The following SCP2 variants were observed in gnomAD, a reference collection of about 807,000 sequenced individuals.
SCP2 encodes the protein SCP-2/3-oxoacyl-CoA thiolase.
A neutral mutation model predicts 71.4 loss-of-function variants in SCP2; 48 were observed. The observed-to-expected ratio is 0.67, with a 90% CI of 0.53 to 0.86. The LOEUF is 0.86. SCP2 is among the 40% of genes least tolerant of loss of function. The pLI, the probability that SCP2 is intolerant of heterozygous loss-of-function variation, is 0.00. For missense variants in SCP2, 560 were observed against 655.6 expected, an observed-to-expected ratio of 0.85 and a Z score of 1.59; for synonymous variants, 220 against 218.1, an observed-to-expected ratio of 1.01 and a Z score of -0.08.
chr1:53,028,844 T>C (rs61441285), intron 13 of SCP2, among the ~76,000 whole-genome samples: 20,852 of 152,038 alleles, frequency 0.14, 2,039 homozygotes, highest in East Asian at 0.33. Context: ...GGTATGATCT[T>C]GGGTCACTGC....
At chr1:52,978,133 C>A in intron 8 of SCP2, 84 bp from the exon 9 acceptor site, 2 of 1,361,556 alleles carry the variant, frequency 1.5e-6, no homozygotes, top group Non-Finnish European at 2.1e-6. Flanking sequence ...TTTGGCCTTT[C>A]CTTTCACATA....
intron 11 of SCP2, among the ~76,000 whole-genome samples, chr1:53,009,442 G>C (rs892006134): frequency 2.0e-5 from 3 of 152,212 alleles, no homozygotes; most frequent in Admixed American, 6.5e-5. Context: ...TAGACCAATG[G>C]AACAGAACAG....
At chr1:52,933,992 A>C (rs1427695134) in intron 1 of SCP2, among the ~76,000 whole-genome samples, 1 of 152,194 alleles carries the variant, frequency 6.6e-6, no homozygotes, top group Non-Finnish European at 1.5e-5. Context: ...AAAAGCACTA[A>C]TTTTCACTTA....
chr1:52,946,083 C>A (rs1156292651), intron 2 of SCP2, among the ~76,000 whole-genome samples: 1 of 150,832 alleles, frequency 6.6e-6, no homozygotes, highest in Non-Finnish European at 1.5e-5. Flanking sequence ...CGCACACCAC[C>A]ACGCCCCCCT....
At chr1:52,994,384 T>G (rs959765872) in intron 11 of SCP2, 8 of 674,324 alleles carry the variant, frequency 1.2e-5, no homozygotes, top group Non-Finnish European at 1.5e-5. Flanking sequence ...ACAACTTTTT[T>G]CTCTTCTGAA....
chr1:52,953,662 C>G (rs551620775), intron 4 of SCP2, among the ~76,000 whole-genome samples: 68 of 152,012 alleles, frequency 4.5e-4, no homozygotes, highest in Admixed American at 1.8e-3. Flanking sequence ...TTCCTCTTAT[C>G]TAGAAGAATA....
At chr1:52,946,764 A>G (rs1004798540) in intron 2 of SCP2, among the ~76,000 whole-genome samples, 3 of 150,984 alleles carry the variant, frequency 2.0e-5, no homozygotes, top group African/African-American at 4.9e-5. Flanking sequence ...TATGTTTAAA[A>G]AAAAAAAAAA....
At chr1:52,972,673 A>G (rs1657600550) in intron 6 of SCP2, among the ~76,000 whole-genome samples, 1 of 152,130 alleles carries the variant, frequency 6.6e-6, no homozygotes, top group African/African-American at 2.4e-5. Flanking sequence ...TTGAACCCAA[A>G]TCTCTCACCC....
chr1:52,986,998 ATATATATATTT>A (rs1659040721), intron 10 of SCP2, among the ~76,000 whole-genome samples: 1 of 89,250 alleles, frequency 1.1e-5, no homozygotes, highest in Non-Finnish European at 2.1e-5. Context: ...ATATATATAT[ATATATATATTT>A]TTTTTTTTTT....
chr1:52,988,102 A>C lies in SCP2; in HGVS notation c.1047A>C (p.Gly349=), dbSNP rs756499564. ...GGKWVINPSG[G]LISKGHPLGA... is the part of the protein sequence containing the mutation. Reference sequence around the variant, plus strand: ...AGTGGGTCATAAATCCTAGTGGTGGACTGATTTCAAAGGGACACCCACTAG... The same window carrying C: ...AGTGGGTCATAAATCCTAGTGGTGGCCTGATTTCAAAGGGACACCCACTAG... The change falls in exon 11 of 16, where the codon GGA becomes GGC. Residue 349 remains glycine (G), a synonymous_variant. Transcript: ENST00000371514. The C allele has an allele frequency of 4.4e-5, 70 of 1,598,536 alleles. No individual in the cohort carries two copies. The South Asian group carries it at 7.7e-4, about 18-fold the overall frequency.
chr1:53,039,136 A>C, intron 14 of SCP2, 90 bp downstream of exon 14: 2 of 1,473,436 alleles, frequency 1.4e-6, no homozygotes, highest in Non-Finnish European at 9.4e-7. Flanking sequence ...TACTGTTCCC[A>C]AAAAGGACTG....
In SCP2 at chr1:52,955,397, T is replaced by C. The variant is rs1377086194; in HGVS notation, c.396+593T>C. Among the ~76,000 whole-genome samples the C allele has an allele frequency of 2.6e-5, 4 of 152,278 alleles. No homozygotes were observed. In the South Asian group the frequency reaches 8.3e-4, roughly 32 times the overall value. ...GGCCTTCCCAAGATCAGAAGTTTAATACCCACATTAAATTGATACTACGTA... is the reference window on the plus strand; with the variant it reads ...GGCCTTCCCAAGATCAGAAGTTTAACACCCACATTAAATTGATACTACGTA... On this transcript the variant is annotated intron_variant, in intron 5 of 15. Transcript: ENST00000371514.
rs145315330 is a variant in SCP2, at chr1:52,956,148, C to G, written c.396+1344C>G. On this transcript the variant is annotated intron_variant, in intron 5 of 15. Transcript: ENST00000371514. ...GCAAAACCCGTCTCTACTAAAAATA[C>G]AAAAAATTAGCCGGGTGTGGTGATA... 4.6e-5 allele frequency among the ~76,000 whole-genome samples: 7 copies of G among 152,068 alleles called. No homozygotes were observed. The East Asian group carries it at 9.7e-4, about 21-fold the overall frequency.
chr1:52,960,530 A>ATATACATGTG lies in SCP2; in HGVS notation c.397-969_397-968insCATGTGTATA, dbSNP rs1206515277. On this transcript the variant is annotated intron_variant, in intron 5 of 15. Coordinates refer to ENST00000371514, the MANE Select transcript of SCP2 (RefSeq NM_002979.5). Reference sequence around the variant, plus strand: ...TGTGTGTGTGTGTGTATATGTGTGTATATATATGTATGTATATACATGTGT... The same window carrying ATATACATGTG: ...TGTGTGTGTGTGTGTATATGTGTGTATATACATGTGTATATATGTATGTATATACATGTGT... 1.6e-3 allele frequency among the ~76,000 whole-genome samples: 210 copies of ATATACATGTG among 134,504 alleles called. 2 individuals are homozygous for ATATACATGTG. In the East Asian group the frequency reaches 0.028, roughly 18 times the overall value. 88.2% of individuals were successfully genotyped at this position (134,504 alleles called of 152,430 possible). A position where few individuals can be genotyped will look rare whatever the true frequency, so the allele number is the denominator to read the frequency against.
chr1:52,931,168 T>C (rs1024687974), intron 1 of SCP2, among the ~76,000 whole-genome samples: 5 of 152,178 alleles, frequency 3.3e-5, no homozygotes, highest in African/African-American at 1.2e-4. Context: ...ATAGCTGAGA[T>C]ATATCGGAAG....
chr1:52,998,772 C>T (rs1003502113), intron 11 of SCP2, among the ~76,000 whole-genome samples: 63 of 152,292 alleles, frequency 4.1e-4, no homozygotes, highest in African/African-American at 1.4e-3. Context: ...TTTCCAACAG[C>T]AGAGTATGAG....
At chr1:53,023,510 A>G (rs972356193) in intron 12 of SCP2, among the ~76,000 whole-genome samples, 5 of 152,212 alleles carry the variant, frequency 3.3e-5, no homozygotes, top group African/African-American at 1.2e-4. Context: ...TTCAGTCACT[A>G]TTCACTAAAT....
At position 52,978,359 on chromosome 1, in the gene SCP2, A is replaced by T. The variant is rs1422668019; in HGVS notation, c.817A>T (p.Ile273Phe). The change falls in exon 9 of 16, where the codon ATT becomes TTT. Residue 273 changes from isoleucine (I) to phenylalanine (F), a missense_variant. Ile to Phe is a conservative substitution (Grantham distance 21). Transcript: ENST00000371514. ...LPSSFEEKSI[I>F]KMVGFDMSKE... ...AAGCTCGTTTGAAGAAAAAAGCATT[A>T]TTAAAATGGTATGTCTGAGATTCTA... 2 of 1,613,232 alleles carry T rather than the reference A, an allele frequency of 1.2e-6. No individual in the cohort carries two copies. The highest frequency in any genetic ancestry group is 3.3e-5 in the Admixed American group (2 of 60,022).
intron 11 of SCP2, among the ~76,000 whole-genome samples, chr1:53,006,677 G>A (rs1660656678): frequency 6.6e-6 from 1 of 152,164 alleles, no homozygotes; most frequent in Admixed American, 6.6e-5. Flanking sequence ...GAAAAAACAT[G>A]CCAAATTGTA....
Sources: gnomAD v4.1 joint callset for allele counts (sites outside exome capture counted in the v4.1 genomes callset) on GRCh38, gnomAD v4.1.1 for gene constraint, MANE v1.5 for transcripts, NCBI Gene and HGNC (gene_info 2026-07-23, HGNC 2026-07-21) for gene names.